Variants in ACOX1 observed in about 807,000 individuals in gnomAD.
ACOX1 encodes acyl-CoA oxidase 1, also known as peroxisomal acyl-coenzyme A oxidase 1.
In ACOX1, 41 loss-of-function variants were observed where a neutral mutation model predicts 75.5. That is an observed-to-expected ratio of 0.54 (90% CI 0.42 to 0.70). The LOEUF (loss-of-function observed/expected upper bound fraction) is 0.70, where lower values mean the gene tolerates loss of function less well. Ranked by LOEUF, ACOX1 falls within the 30% of genes least tolerant of loss-of-function variation. The pLI, the probability that ACOX1 is intolerant of heterozygous loss-of-function variation, is 0.00. For synonymous variants in ACOX1, 303 were observed against 298.8 expected, an observed-to-expected ratio of 1.01 and a Z score of -0.15; for missense variants, 630 against 837.5, an observed-to-expected ratio of 0.75 and a Z score of 3.06.
chr17:75,979,113 GT>G lies in ACOX1; in HGVS notation c.-41del. ...GGCAGCGAAGTAAGCACCGACCGAG[GT>G]GGCAGTGACAATCTAAATCCGCAGC... On this transcript the variant is annotated 5_prime_UTR_variant, in exon 1 of 14. Coordinates refer to ENST00000293217, the MANE Select transcript of ACOX1 (RefSeq NM_004035.7). 1 of 1,606,022 alleles carries G rather than the reference GT, an allele frequency of 6.2e-7. No individual in the cohort carries two copies. Among genetic ancestry groups the G allele is most frequent in the Non-Finnish European group, 8.5e-7 (1 of 1,179,766 alleles).
At chr17:75,967,669 T>TACATATATATATAC (rs1221108706) in intron 2 of ACOX1, among the ~76,000 whole-genome samples, 2 of 96,294 alleles carry the variant, frequency 2.1e-5, no homozygotes, top group African/African-American at 1.4e-4. Context: ...TACATATATA[T>TACATATATATATAC]ACATATATAT....
intron 2 of ACOX1, chr17:75,973,365 G>C: frequency 2.0e-6 from 1 of 508,996 alleles, no homozygotes; most frequent in African/African-American, 1.9e-5. Flanking sequence ...GGGGTTCCCC[G>C]CTGCACTGTA....
chr17:75,973,651 G>C, intron 2 of ACOX1: 1 of 1,614,218 alleles, frequency 6.2e-7, no homozygotes, highest in Non-Finnish European at 8.5e-7. Flanking sequence ...CTGGGCGTAG[G>C]TGCCAATTAT....
rs762422999 is a variant in ACOX1, at chr17:75,951,580, A to G, written c.945-3T>C. 3 of 1,613,996 alleles carry G rather than the reference A, an allele frequency of 1.9e-6. No individual in the cohort carries two copies. The highest frequency in any genetic ancestry group is 2.5e-6 in the Non-Finnish European group (3 of 1,180,006). On this transcript the variant is annotated splice_region_variant and splice_polypyrimidine_tract_variant and intron_variant, in intron 7 of 13. Coordinates refer to ENST00000293217, the MANE Select transcript of ACOX1 (RefSeq NM_004035.7). ...CCAAAATCTGTGGTTCTGGTTCACT[A>G]CGTGACATAGAAAAAGAAAAAAAGT...
At chr17:75,966,325 T>C (rs1350836173) in intron 2 of ACOX1, among the ~76,000 whole-genome samples, 1 of 142,880 alleles carries the variant, frequency 7.0e-6, no homozygotes, top group Non-Finnish European at 1.5e-5. Flanking sequence ...AGCATGGTGG[T>C]GCACGCCTGT....
At chr17:75,976,790 C>T (rs2066054130) in intron 2 of ACOX1, among the ~76,000 whole-genome samples, 1 of 152,016 alleles carries the variant, frequency 6.6e-6, no homozygotes, top group African/African-American at 2.4e-5. Context: ...GAACGTGCAA[C>T]ATGTTCTATT....
chr17:75,951,267 C>T lies in ACOX1; in HGVS notation c.1107+148G>A. 3.2e-6 allele frequency: 3 copies of T among 947,676 alleles called. No individual in the cohort carries two copies. The South Asian group carries it at 4.3e-5, about 14-fold the overall frequency. The allele number at this position is 947,676 out of a possible 1,614,324, so 58.7% of individuals were successfully genotyped here. A position where few individuals can be genotyped will look rare whatever the true frequency, so the allele number is the denominator to read the frequency against. On this transcript the variant is annotated intron_variant, in intron 8 of 13. Coordinates refer to ENST00000293217, the MANE Select transcript of ACOX1 (RefSeq NM_004035.7). ...CTGAACAACAAACCCCACAGATCTTCATATCTGATCTACTTTCAACCAGAA... is the reference window on the plus strand; with the variant it reads ...CTGAACAACAAACCCCACAGATCTTTATATCTGATCTACTTTCAACCAGAA...
At chr17:75,947,820 A>G (rs1183926202) in intron 13 of ACOX1, among the ~76,000 whole-genome samples, 4 of 151,582 alleles carry the variant, frequency 2.6e-5, no homozygotes, top group Non-Finnish European at 4.4e-5. Context: ...CCTGGGTTCA[A>G]GCTGAGGCAG....
chr17:75,963,271 A>T (rs73357503), intron 2 of ACOX1, among the ~76,000 whole-genome samples: 4,498 of 152,230 alleles, frequency 0.03, 73 homozygotes, highest in Middle Eastern at 0.051. Flanking sequence ...CCCAGACTTC[A>T]CCATTACATA....
intron 2 of ACOX1, among the ~76,000 whole-genome samples, chr17:75,969,291 C>G (rs2065971194): frequency 6.6e-6 from 1 of 152,008 alleles, no homozygotes; most frequent in South Asian, 2.1e-4. Context: ...CTCAGCCTCC[C>G]TAGTAGCTGG....
intron 2 of ACOX1, among the ~76,000 whole-genome samples, chr17:75,975,957 G>GAAAGA (rs1051577829): frequency 6.6e-6 from 1 of 151,290 alleles, no homozygotes; most frequent in African/African-American, 2.4e-5. Context: ...AAGAAAGAAA[G>GAAAGA]AAAGAAAAGA....
At position 75,957,501 on chromosome 17, in the gene ACOX1, T is replaced by G; in HGVS notation, c.496A>C (p.Asn166His). The G allele has an allele frequency of 6.2e-7, 1 of 1,614,170 alleles. No homozygotes were observed. The highest frequency in any genetic ancestry group is 8.5e-7 in the Non-Finnish European group (1 of 1,180,020). ...TTAATGGAGGTCACAGTAGGACTGT[T>G]GAGAATGAACTCCTGGGTTTCAGGG... ...YDPETQEFILNSPTVTSIKWW... is the reference protein window; with the variant it reads ...YDPETQEFILHSPTVTSIKWW... The change falls in exon 4 of 14, where the codon AAC becomes CAC. Residue 166 changes from asparagine (N) to histidine (H), a missense_variant. Transcript: ENST00000293217.
intron 2 of ACOX1, among the ~76,000 whole-genome samples, chr17:75,972,951 T>C (rs529658232): frequency 1.1e-3 from 164 of 152,340 alleles, no homozygotes; most frequent in African/African-American, 3.6e-3. Context: ...GGCTGGGCAG[T>C]TCAAATTCCA....
At chr17:75,961,879 G>A (rs940867767) in intron 2 of ACOX1, among the ~76,000 whole-genome samples, 2 of 152,058 alleles carry the variant, frequency 1.3e-5, no homozygotes, top group African/African-American at 2.4e-5. Flanking sequence ...GCCAGGAGTC[G>A]GAGAACAGAG....
intron 2 of ACOX1, among the ~76,000 whole-genome samples, chr17:75,969,802 G>A (rs574660589): frequency 6.1e-4 from 93 of 152,172 alleles, no homozygotes; most frequent in African/African-American, 2.1e-3. Flanking sequence ...ATGGTAATAC[G>A]AAACAAGGCA....
Position 75,958,754 on chromosome 17 carries a change from G to A in ACOX1, c.431-1188C>T, listed in dbSNP as rs1212310667. Among the ~76,000 whole-genome samples, 4 of 150,182 alleles carry A rather than the reference G, an allele frequency of 2.7e-5. No individual in the cohort carries two copies. The East Asian group carries it at 7.8e-4, about 29-fold the overall frequency. On this transcript the variant is annotated intron_variant, in intron 3 of 13. Transcript: ENST00000293217. ...ACCCGGAAGGTGGAGCTTGCAGTGA[G>A]CTGAGATCGCGCCACTGCACTCCAG...
chr17:75,979,094 G>A lies in ACOX1; in HGVS notation c.-21C>T, dbSNP rs749139465. The A allele has an allele frequency of 1.3e-5, 21 of 1,609,386 alleles. 1 individual carries two copies. In the South Asian group the frequency reaches 2.3e-4, roughly 18 times the overall value. Reference sequence around the variant, plus strand: ...TTCATGGCGACGACCAGCTGGCAGCGAAGTAAGCACCGACCGAGGTGGCAG... The same window carrying A: ...TTCATGGCGACGACCAGCTGGCAGCAAAGTAAGCACCGACCGAGGTGGCAG... On this transcript the variant is annotated 5_prime_UTR_variant, in exon 1 of 14. Transcript: ENST00000293217.
chr17:75,963,356 G>A (rs967422524), intron 2 of ACOX1, among the ~76,000 whole-genome samples: 2 of 151,974 alleles, frequency 1.3e-5, no homozygotes, highest in African/African-American at 2.4e-5. Context: ...TTGTCACCTC[G>A]TCCTGTCTCC....
chr17:75,978,994 G>A lies in ACOX1; in HGVS notation c.80C>T (p.Pro27Leu), dbSNP rs145082938. 3,331 of 1,611,258 alleles carry A rather than the reference G, an allele frequency of 2.1e-3. 29 individuals carry two copies. The Middle Eastern group carries it at 0.029, about 14-fold the overall frequency. Residue 27 changes from proline (P) to leucine (L), a missense_variant, in exon 1 of 14, where the codon CCC becomes CTC. This residue lies in a region of ACOX1 where 390 missense variants were observed against 574.9 expected (regional missense o/e 0.68). Transcript: ENST00000293217. The surrounding 1 kb of genome is among the most constrained non-coding windows in gnomAD (Gnocchi z 4.2). ...ELLTHILDGS[P>L]EKTRRRREIE... ...CTCTCGGCGGCGCCGGGTTTTCTCG[G>A]GGCTGCCGTCCAGGATGTGTGTAAG... is the stretch of plus-strand genomic sequence containing the variant.
Sources: allele counts gnomAD v4.1 joint callset (sites outside exome capture counted in the v4.1 genomes callset), GRCh38; gene constraint gnomAD v4.1.1; regional missense constraint gnomAD v4.1.1; non-coding constraint Gnocchi (gnomAD v3.1); transcripts MANE v1.5; gene names NCBI Gene and HGNC (gene_info 2026-07-23, HGNC 2026-07-21).